Variants in CDH13 observed in about 807,000 individuals in gnomAD.
The protein encoded by CDH13 is cadherin-13.
Under a neutral mutation model 63.8 loss-of-function variants are expected in CDH13, and 24 were observed. The ratio of observed to expected loss-of-function variants is 0.38; its 90% CI spans 0.27 to 0.53. The LOEUF (loss-of-function observed/expected upper bound fraction) is 0.53, where lower values mean the gene tolerates loss of function less well. Ranked by LOEUF, CDH13 falls within the 20% of genes least tolerant of loss-of-function variation. The probability of loss-of-function intolerance (pLI) is 0.85; values close to 1 mark genes in which losing one functional copy is unlikely to be tolerated. For missense variants in CDH13, 1,049 were observed against 903.1 expected (o/e 1.16, Z -2.07); for synonymous variants, 503 against 355.3 (o/e 1.42, Z -4.67).
intron 3 of CDH13, among the ~76,000 whole-genome samples, chr16:83,110,800 G>C (rs939534798): frequency 6.6e-6 from 1 of 151,822 alleles, no homozygotes; most frequent in African/African-American, 2.4e-5. Context: ...CAGTTACAAG[G>C]GGCTACTTCT....
intron 2 of CDH13, among the ~76,000 whole-genome samples, chr16:82,913,158 G>T (rs756216419): frequency 6.6e-6 from 1 of 152,112 alleles, no homozygotes; most frequent in Admixed American, 6.5e-5. Context: ...ATGGAACTCA[G>T]ATTTTAAAAT....
At position 82,644,588 on chromosome 16, in the gene CDH13, G is replaced by C. The variant is rs1034992686; in HGVS notation, c.45+17451G>C. Among the ~76,000 whole-genome samples, 1 of 152,296 alleles carries C rather than the reference G, an allele frequency of 6.6e-6. No individual in the cohort carries two copies. The highest frequency in any genetic ancestry group is 1.9e-4 in the East Asian group (1 of 5,168). ...GTGCTGGAAGGGGAGGCTTTATGGAGGCAAAGCTGAGGGGCTGTACGTGTC... is the reference window on the plus strand; with the variant it reads ...GTGCTGGAAGGGGAGGCTTTATGGACGCAAAGCTGAGGGGCTGTACGTGTC... On this transcript the variant is annotated intron_variant, in intron 1 of 13. Transcript: ENST00000567109. The surrounding 1 kb of genome is among the most constrained non-coding windows in gnomAD (Gnocchi z 5.7).
intron 8 of CDH13, among the ~76,000 whole-genome samples, chr16:83,660,886 T>A (rs988870478): frequency 6.6e-6 from 1 of 152,108 alleles, no homozygotes; most frequent in Non-Finnish European, 1.5e-5. Flanking sequence ...GAAGGAGAGC[T>A]ACTAACGTCC....
intron 1 of CDH13, chr16:82,826,846 G>T (rs969125832): frequency 6.6e-6 from 1 of 152,192 alleles, no homozygotes; most frequent in African/African-American, 2.4e-5. Flanking sequence ...AGCAGACATT[G>T]ACCACAGGAA....
intron 1 of CDH13, among the ~76,000 whole-genome samples, chr16:82,697,068 T>A (rs1567637974): frequency 6.6e-6 from 1 of 152,156 alleles, no homozygotes; most frequent in East Asian, 1.9e-4. Context: ...TATGTCCCAA[T>A]TTTGGATGTC....
intron 5 of CDH13, among the ~76,000 whole-genome samples, chr16:83,287,775 G>A (rs1487720220): frequency 1.3e-5 from 2 of 152,178 alleles, no homozygotes; most frequent in African/African-American, 4.8e-5. Context: ...CCTCCTCCTG[G>A]TCCATGAAAA....
intron 2 of CDH13, among the ~76,000 whole-genome samples, chr16:82,911,065 T>C (rs1169866217): frequency 6.6e-6 from 1 of 152,182 alleles, no homozygotes; most frequent in Non-Finnish European, 1.5e-5. Context: ...ACCTGGGCTG[T>C]AGCTCCCACG....
intron 2 of CDH13, among the ~76,000 whole-genome samples, chr16:82,980,228 A>G (rs918139643): frequency 2.6e-5 from 4 of 152,140 alleles, no homozygotes; most frequent in African/African-American, 9.7e-5. Flanking sequence ...GCCCTCAGTG[A>G]CCCAGCAGGG....
intron 2 of CDH13, among the ~76,000 whole-genome samples, chr16:83,005,826 G>C (rs1913434029): frequency 6.6e-6 from 1 of 152,180 alleles, no homozygotes; most frequent in Non-Finnish European, 1.5e-5. Flanking sequence ...TCCTGGCAGA[G>C]GATTTAAGAG....
intron 8 of CDH13, among the ~76,000 whole-genome samples, chr16:83,668,948 A>G (rs1373476092): frequency 6.6e-6 from 1 of 152,136 alleles, no homozygotes. Context: ...ACCCATTCAC[A>G]AGGGTAGGTC....
At chr16:83,004,693 G>C (rs775592094) in intron 2 of CDH13, among the ~76,000 whole-genome samples, 17 of 152,084 alleles carry the variant, frequency 1.1e-4, no homozygotes, top group Non-Finnish European at 2.2e-4. Context: ...GAGTTTGTCT[G>C]TGTTAGTCAG....
At chr16:83,782,436 C>T (rs1173002426) in intron 12 of CDH13, among the ~76,000 whole-genome samples, 1 of 151,066 alleles carries the variant, frequency 6.6e-6, no homozygotes, top group Non-Finnish European at 1.5e-5. Context: ...GAGGATTGAT[C>T]AAAAAAAACA....
chr16:83,125,913 CA>C (rs1466519037), intron 4 of CDH13, among the ~76,000 whole-genome samples: 2 of 152,074 alleles, frequency 1.3e-5, no homozygotes. Context: ...GTCGGTTTTC[CA>C]AAAACTAAAC....
chr16:82,644,295 ACT>A lies in CDH13; in HGVS notation c.45+17161_45+17162del, dbSNP rs1909802358. The stretch of plus-strand genomic sequence containing the variant: ...CCACTTCTTACATTCAGTGCTCATC[ACT>A]CTGCAAATCAAGGCCCCCCGAACTC... On this transcript the variant is annotated intron_variant, in intron 1 of 13. Transcript: ENST00000567109. This position sits in a 1 kb window ranked among gnomAD's most constrained non-coding sequence, Gnocchi z 5.7. Among the ~76,000 whole-genome samples the A allele has an allele frequency of 6.6e-6, 1 of 151,674 alleles. No homozygotes were observed.
At chr16:83,150,246 G>A (rs189960742) in intron 4 of CDH13, among the ~76,000 whole-genome samples, 4 of 152,240 alleles carry the variant, frequency 2.6e-5, no homozygotes, top group South Asian at 4.1e-4. Context: ...TTCTAAAATT[G>A]TAAGTCACTT....
chr16:82,774,117 T>C (rs1388646746), intron 1 of CDH13, among the ~76,000 whole-genome samples: 2 of 149,190 alleles, frequency 1.3e-5, no homozygotes, highest in Admixed American at 6.7e-5. Context: ...TTACTCATCA[T>C]TGGAATTCTC....
intron 7 of CDH13, among the ~76,000 whole-genome samples, chr16:83,599,376 C>G (rs760616020): frequency 6.6e-6 from 1 of 152,194 alleles, no homozygotes; most frequent in Non-Finnish European, 1.5e-5. Context: ...GCTAAACATT[C>G]TCGTAGGACT....
chr16:83,052,773 T>A (rs56089750), intron 3 of CDH13, among the ~76,000 whole-genome samples: 1 of 107,832 alleles, frequency 9.3e-6, no homozygotes. Flanking sequence ...CGAGACTTTA[T>A]CTCAAAAAAA....
At chr16:83,320,338 G>A (rs1385181851) in intron 5 of CDH13, among the ~76,000 whole-genome samples, 2 of 151,986 alleles carry the variant, frequency 1.3e-5, no homozygotes, top group Non-Finnish European at 2.9e-5. Context: ...GAGTCACAAT[G>A]CCCAGCATGG....
Sources: gnomAD v4.1 joint callset for allele counts (sites outside exome capture counted in the v4.1 genomes callset) on GRCh38, gnomAD v4.1.1 for gene constraint, Gnocchi (gnomAD v3.1) non-coding constraint, MANE v1.5 for transcripts, NCBI Gene and HGNC (gene_info 2026-07-23, HGNC 2026-07-21) for gene names.